Variants in WDR12 observed in about 807,000 individuals in gnomAD.
The protein encoded by WDR12 is WD repeat domain 12.
Under a neutral mutation model 64.3 loss-of-function variants are expected in WDR12, and 42 were observed. The observed-to-expected ratio is 0.65, with a 90% CI of 0.51 to 0.84. The LOEUF (loss-of-function observed/expected upper bound fraction) is 0.84, where lower values mean the gene tolerates loss of function less well. Ranked by LOEUF, WDR12 falls within the 40% of genes least tolerant of loss-of-function variation. The probability of loss-of-function intolerance (pLI) is 0.00; values close to 1 mark genes in which losing one functional copy is unlikely to be tolerated. For missense variants in WDR12, 469 were observed against 494.6 expected, an observed-to-expected ratio of 0.95 and a Z score of 0.49; for synonymous variants, 158 against 173.3, an observed-to-expected ratio of 0.91 and a Z score of 0.70.
chr2:202,908,013 A>T, intron 1 of WDR12, 54 bp from the exon 2 acceptor site: 1 of 1,502,732 alleles, frequency 6.7e-7, no homozygotes, highest in Admixed American at 1.7e-5. Context: ...TTGAACAAAC[A>T]TGCTTTTACG....
In WDR12 at chr2:202,907,952, C is replaced by T. The variant is rs746259580; in HGVS notation, c.49G>A (p.Val17Ile). ...RFYTDNKKYA[V>I]DDVPFSIPAA... ...GGGATTGAGAAGGGAACATCATCTA[C>T]GGCATATCTATAAAAAGGAAATGAT... Residue 17 changes from valine to isoleucine, a missense_variant, in exon 2 of 13, where the codon GTA (valine) becomes ATA (isoleucine). Physicochemically the swap from Val to Ile is conservative, Grantham distance 29. Transcript: ENST00000261015. The T allele has an allele frequency of 5.9e-5, 96 of 1,613,488 alleles. No homozygotes were observed. The Admixed American group carries it at 7.2e-4, about 12-fold the overall frequency.
At chr2:202,904,096 CAATTGCACTCCA>C (rs1688406953) in intron 2 of WDR12, among the ~76,000 whole-genome samples, 1 of 116,894 alleles carries the variant, frequency 8.6e-6, no homozygotes, top group African/African-American at 3.4e-5. Context: ...TGAGATTACG[CAATTGCACTCCA>C]ACCTGGGCAA....
At chr2:202,909,410 T>C (rs1688523227) in intron 1 of WDR12, among the ~76,000 whole-genome samples, 1 of 152,198 alleles carries the variant, frequency 6.6e-6, no homozygotes, top group Non-Finnish European at 1.5e-5. Context: ...TTAAAAATCA[T>C]AGTAAGTGAA....
At chr2:202,892,730 T>A in intron 7 of WDR12, 28 bp from the exon 8 acceptor site, 1 of 1,533,170 alleles carries the variant, frequency 6.5e-7, no homozygotes, top group East Asian at 2.3e-5. Context: ...AGATTTGACA[T>A]TTTAAAAACA....
chr2:202,911,631 C>T lies in WDR12; in HGVS notation c.-155G>A. ...GTCTAAGCCTGGACTCTGCCTTCTG[C>T]CCTCCGGTCTCCTCTGCAGAAAGCA... On this transcript the variant is annotated 5_prime_UTR_variant, in exon 1 of 13. Coordinates refer to ENST00000261015, the MANE Select transcript of WDR12 (RefSeq NM_018256.4). 1.4e-6 allele frequency: 1 copy of T among 706,152 alleles called. No individual in the cohort carries two copies. The highest frequency in any genetic ancestry group is 2.5e-6 in the Non-Finnish European group (1 of 394,784). 43.7% of individuals were successfully genotyped at this position (706,152 alleles called of 1,614,324 possible). A position where few individuals can be genotyped will look rare whatever the true frequency, so the allele number is the denominator to read the frequency against.
At chr2:202,898,350 T>C (rs1330320882) in intron 4 of WDR12, among the ~76,000 whole-genome samples, 1 of 152,114 alleles carries the variant, frequency 6.6e-6, no homozygotes, top group Non-Finnish European at 1.5e-5. Context: ...CAGGTTTCAA[T>C]ATTTTGGCCA....
chr2:202,874,334 C>T lies in WDR12; in HGVS notation c.*6526G>A, dbSNP rs1687821065. On this transcript the variant is annotated 3_prime_UTR_variant, in exon 13 of 13. Transcript: ENST00000261015. Reference sequence around the variant, plus strand: ...CTATCCTTTCTATCAACATATAATACACTTATACTAAGGGGAAAAAAGGGG... The same window carrying T: ...CTATCCTTTCTATCAACATATAATATACTTATACTAAGGGGAAAAAAGGGG... Among the ~76,000 whole-genome samples the T allele has an allele frequency of 6.6e-6, 1 of 152,102 alleles. No homozygotes were observed. Among genetic ancestry groups the T allele is most frequent in the Non-Finnish European group, 1.5e-5 (1 of 68,018 alleles).
At position 202,878,914 on chromosome 2, in the gene WDR12, A is replaced by G. The variant is rs1382106899; in HGVS notation, c.*1946T>C. 2 of 152,248 alleles carry G rather than the reference A, an allele frequency of 1.3e-5. No homozygotes were observed. The highest frequency in any genetic ancestry group is 1.3e-4 in the Admixed American group (2 of 15,292). The allele number at this position is 152,248 out of a possible 1,614,324, so 9.4% of individuals were successfully genotyped here. ...TAACACATGCATAAAGATAAATGCT[A>G]ATGATATCATAAAATCTGTAGAATG... On this transcript the variant is annotated 3_prime_UTR_variant, in exon 13 of 13. Coordinates refer to ENST00000261015, the MANE Select transcript of WDR12 (RefSeq NM_018256.4).
rs949475325 is a variant in WDR12 at position 202,894,582 on chromosome 2, T to C, written c.654A>G (p.Thr218=). 1 of 1,603,828 alleles carries C rather than the reference T, an allele frequency of 6.2e-7. No individual in the cohort carries two copies. The highest frequency in any genetic ancestry group is 1.3e-5 in the African/African-American group (1 of 74,388). The change falls in exon 7 of 13, where the codon ACA becomes ACG. Residue 218 remains threonine, a splice_region_variant and synonymous_variant. Transcript: ENST00000261015. ...AGGTAAAATAAATATTTAATTTACC[T>C]GTAGACCAGATCTTTAGCATCTTAT... ...SWDKMLKIWS[T]VPTDEEDEME...
rs1287573109 is a variant in WDR12, at chr2:202,897,300, C to T, written c.454G>A (p.Asp152Asn). Reference sequence around the variant, plus strand: ...CTAAGTGTAGGCAAACTGTCCTAACCTTTTTTCACCCAGGCCACATCTTTT... The same window carrying T: ...CTAAGTGTAGGCAAACTGTCCTAACTTTTTTTCACCCAGGCCACATCTTTT... ...VVKDVAWVKKDSLSCLLLSAS... is the reference protein window; with the variant it reads ...VVKDVAWVKKNSLSCLLLSAS... The change falls in exon 5 of 13, where the codon GAT (aspartate) becomes AAT (asparagine). Residue 152 changes from aspartate to asparagine, a missense_variant and splice_region_variant. Asp to Asn is a conservative substitution (Grantham distance 23, BLOSUM62 1). Coordinates refer to ENST00000261015, the MANE Select transcript of WDR12 (RefSeq NM_018256.4). The T allele has an allele frequency of 6.3e-7, 1 of 1,591,436 alleles. No individual in the cohort carries two copies. The highest frequency in any genetic ancestry group is 1.4e-5 in the African/African-American group (1 of 73,426).
intron 6 of WDR12, 117 bp downstream of exon 6, chr2:202,895,948 T>C: frequency 8.2e-7 from 1 of 1,213,998 alleles, no homozygotes; most frequent in Non-Finnish European, 1.1e-6. Context: ...AATCCTATCT[T>C]TTGTCACCGA....
chr2:202,905,224 C>A (rs1051450662), intron 2 of WDR12, among the ~76,000 whole-genome samples: 2 of 152,210 alleles, frequency 1.3e-5, no homozygotes, highest in East Asian at 3.8e-4. Context: ...CGGCTCACTA[C>A]AACTTCCGCC....
intron 2 of WDR12, among the ~76,000 whole-genome samples, chr2:202,905,871 G>A (rs773160836): frequency 5.9e-5 from 9 of 152,228 alleles, no homozygotes; most frequent in Non-Finnish European, 1.3e-4. Context: ...CAGACACTGA[G>A]AAGGGTAGTG....
intron 12 of WDR12, 111 bp from the exon 13 acceptor site, chr2:202,881,048 G>T: frequency 1.1e-6 from 1 of 935,860 alleles, no homozygotes. Flanking sequence ...GGAATTATGG[G>T]TGAGCAGTTA....
chr2:202,885,960 A>G (rs1307211661), intron 8 of WDR12, among the ~76,000 whole-genome samples: 1 of 152,096 alleles, frequency 6.6e-6, no homozygotes, highest in Non-Finnish European at 1.5e-5. Context: ...GGGAGGCTGA[A>G]GTAGAAGGAT....
chr2:202,893,660 G>A (rs1196625283), intron 7 of WDR12, among the ~76,000 whole-genome samples: 3 of 152,142 alleles, frequency 2.0e-5, no homozygotes, highest in Non-Finnish European at 4.4e-5. Context: ...AAAAGTAACA[G>A]AGGTATTCTG....
chr2:202,880,603 C>G lies in WDR12; in HGVS notation c.*257G>C. ...AGCAAATCTGAATTCAAACCAATAC[C>G]TTTAAAGAGAAATGTAAAACTCAGT... On this transcript the variant is annotated 3_prime_UTR_variant, in exon 13 of 13. Coordinates refer to ENST00000261015, the MANE Select transcript of WDR12 (RefSeq NM_018256.4). 4.5e-6 allele frequency: 1 copy of G among 222,496 alleles called. No homozygotes were observed. The highest frequency in any genetic ancestry group is 8.8e-6 in the Non-Finnish European group (1 of 113,858). The allele number at this position is 222,496 out of a possible 1,614,324, so 13.8% of individuals were successfully genotyped here. A position where few individuals can be genotyped will look rare whatever the true frequency, so the allele number is the denominator to read the frequency against.
chr2:202,876,322 T>A lies in WDR12; in HGVS notation c.*4538A>T, dbSNP rs1399338169. 1.3e-5 allele frequency: 2 copies of A among 152,266 alleles called. No individual in the cohort carries two copies. The highest frequency in any genetic ancestry group is 3.9e-4 in the East Asian group (2 of 5,172). The allele number at this position is 152,266 out of a possible 1,614,324, so 9.4% of individuals were successfully genotyped here. A position where few individuals can be genotyped will look rare whatever the true frequency, so the allele number is the denominator to read the frequency against. ...CAGGAGGATCCCTTGAACCCAGGAG[T>A]TGAGCCTGGATGGCAGAGCTAGACT... On this transcript the variant is annotated 3_prime_UTR_variant, in exon 13 of 13. Coordinates refer to ENST00000261015, the MANE Select transcript of WDR12 (RefSeq NM_018256.4).
chr2:202,883,743 T>C lies in WDR12; in HGVS notation c.989-2A>G. On this transcript the variant is annotated splice_acceptor_variant, in intron 10 of 12. Transcript: ENST00000261015. LOFTEE classifies it high-confidence loss of function. ...GGGACAGCGACACCAAAGAACCATC[T>C]GAACAAAGCAAAAAAGACAAGCGTT... is the stretch of plus-strand genomic sequence containing the variant. 1 of 1,610,750 alleles carries C rather than the reference T, an allele frequency of 6.2e-7. No individual in the cohort carries two copies. The highest frequency in any genetic ancestry group is 8.5e-7 in the Non-Finnish European group (1 of 1,179,192).
Sources: gnomAD v4.1 joint callset for allele counts (sites outside exome capture counted in the v4.1 genomes callset) on GRCh38, gnomAD v4.1.1 for gene constraint, MANE v1.5 for transcripts, NCBI Gene and HGNC (gene_info 2026-07-23, HGNC 2026-07-21) for gene names.